The following ASCC3 variants were observed in gnomAD, a reference collection of about 807,000 sequenced individuals.
ASCC3 encodes the protein activating signal cointegrator 1 complex subunit 3.
Under a neutral mutation model 256.3 loss-of-function variants are expected in ASCC3, and 158 were observed. The ratio of observed to expected loss-of-function variants is 0.62; its 90% CI spans 0.54 to 0.70. The LOEUF (loss-of-function observed/expected upper bound fraction) is 0.70. ASCC3 is among the 30% of genes least tolerant of loss of function. ASCC3 has a pLI of 0.00. For missense variants in ASCC3, 2,259 were observed against 2,626.0 expected (o/e 0.86, Z 3.05); for synonymous variants, 948 against 883.4 (o/e 1.07, Z -1.30).
At chr6:100,646,506 A>G in intron 22 of ASCC3, 109 bp downstream of exon 22, 1 of 1,192,076 alleles carries the variant, frequency 8.4e-7, no homozygotes, top group Non-Finnish European at 1.2e-6. Flanking sequence ...TAAATCCTCA[A>G]TATATATTCT....
chr6:100,873,929 C>T (rs1046260163), intron 1 of ASCC3, among the ~76,000 whole-genome samples: 2 of 152,166 alleles, frequency 1.3e-5, no homozygotes, highest in African/African-American at 2.4e-5. Flanking sequence ...TCCCTGAGAT[C>T]TTATCAAAAT....
At chr6:100,828,092 TAAAAAAA>T (rs10684305) in intron 4 of ASCC3, among the ~76,000 whole-genome samples, 1 of 125,354 alleles carries the variant, frequency 8.0e-6, no homozygotes, top group Non-Finnish European at 1.6e-5. Context: ...CAGTATTTTC[TAAAAAAA>T]AAAAAAAAAC....
rs79518657 is a variant in ASCC3 at position 100,523,568 on chromosome 6, A to G, written c.5776-5426T>C. Reference sequence around the variant, plus strand: ...GAAAATGGGCAGTCTCTGTAAGGAAATTTTTAAAGGTGTGGGGTTCCTGAA... The same window carrying G: ...GAAAATGGGCAGTCTCTGTAAGGAAGTTTTTAAAGGTGTGGGGTTCCTGAA... On this transcript the variant is annotated intron_variant, in intron 37 of 41. Coordinates refer to ENST00000369162, the MANE Select transcript of ASCC3 (RefSeq NM_006828.4). Among the ~76,000 whole-genome samples, 243 of 152,242 alleles carry G rather than the reference A, an allele frequency of 1.6e-3. 10 individuals carry two copies. The East Asian group carries it at 0.044, about 28-fold the overall frequency.
chr6:100,875,281 T>C (rs1773944157), intron 1 of ASCC3, among the ~76,000 whole-genome samples: 1 of 152,124 alleles, frequency 6.6e-6, no homozygotes, highest in Non-Finnish European at 1.5e-5. Flanking sequence ...ACACTCAAAT[T>C]TCTGGCTTAG....
At chr6:100,764,990 T>C (rs529708132) in intron 10 of ASCC3, among the ~76,000 whole-genome samples, 2 of 150,758 alleles carry the variant, frequency 1.3e-5, no homozygotes, top group South Asian at 4.2e-4. Context: ...AAAAGGGGAG[T>C]AGGGGAAAAG....
intron 32 of ASCC3, 98 bp downstream of exon 32, chr6:100,606,642 G>C: frequency 1.5e-6 from 2 of 1,349,458 alleles, no homozygotes; most frequent in Middle Eastern, 2.7e-4. Context: ...CCAATTCTCA[G>C]AAGTTTAATT....
At chr6:100,590,145 T>C in intron 34 of ASCC3, 86 bp from the exon 35 acceptor site, 1 of 879,686 alleles carries the variant, frequency 1.1e-6, no homozygotes, top group Non-Finnish European at 1.9e-6. Flanking sequence ...TATATATAAA[T>C]ATAATCCCCT....
At chr6:100,842,120 A>C (rs753307870) in intron 4 of ASCC3, among the ~76,000 whole-genome samples, 34 of 152,342 alleles carry the variant, frequency 2.2e-4, no homozygotes, top group Non-Finnish European at 4.3e-4. Flanking sequence ...TTTTAATTCC[A>C]ATCTGGCTGA....
chr6:100,774,623 C>T (rs1782101958), intron 8 of ASCC3, among the ~76,000 whole-genome samples: 1 of 152,212 alleles, frequency 6.6e-6, no homozygotes, highest in South Asian at 2.1e-4. Context: ...GCTTGGCCTC[C>T]CAGAGTGCTG....
At chr6:100,562,794 T>C (rs1770024612) in intron 36 of ASCC3, among the ~76,000 whole-genome samples, 1 of 152,124 alleles carries the variant, frequency 6.6e-6, no homozygotes, top group Non-Finnish European at 1.5e-5. Context: ...AAGTTTCAAA[T>C]CTTTTAGAGA....
chr6:100,753,139 G>A (rs907802282), intron 10 of ASCC3, among the ~76,000 whole-genome samples: 10 of 151,730 alleles, frequency 6.6e-5, no homozygotes, highest in African/African-American at 9.7e-5. Context: ...TTGAAATTTC[G>A]CATTAATATA....
intron 4 of ASCC3, among the ~76,000 whole-genome samples, chr6:100,813,728 T>A (rs961400906): frequency 1.3e-5 from 2 of 151,860 alleles, no homozygotes; most frequent in African/African-American, 4.8e-5. Context: ...GATAAATAAA[T>A]AATTCAACAA....
chr6:100,652,689 C>T (rs1320550110), intron 18 of ASCC3, 36 bp downstream of exon 18: 6 of 1,582,476 alleles, frequency 3.8e-6, no homozygotes, highest in Admixed American at 1.7e-5. Context: ...AAAGTATTTG[C>T]ATCTAAAATC....
chr6:100,592,052 T>C (rs1274430925), intron 34 of ASCC3, among the ~76,000 whole-genome samples: 1 of 151,766 alleles, frequency 6.6e-6, no homozygotes, highest in Non-Finnish European at 1.5e-5. Flanking sequence ...TTTAAGCCTA[T>C]TGGGACTTTT....
intron 13 of ASCC3, among the ~76,000 whole-genome samples, chr6:100,714,555 T>C (rs1265826079): frequency 6.6e-6 from 1 of 152,122 alleles, no homozygotes; most frequent in East Asian, 1.9e-4. Flanking sequence ...ACCTGCCTCA[T>C]AGGTTGCAGA....
At chr6:100,660,942 T>C (rs1051795391) in intron 16 of ASCC3, among the ~76,000 whole-genome samples, 1 of 151,758 alleles carries the variant, frequency 6.6e-6, no homozygotes, top group Non-Finnish European at 1.5e-5. Flanking sequence ...AAGTGTGTTT[T>C]TCATTCTCTA....
intron 4 of ASCC3, among the ~76,000 whole-genome samples, chr6:100,823,716 T>C (rs1194645212): frequency 6.6e-5 from 10 of 152,176 alleles, no homozygotes; most frequent in African/African-American, 1.9e-4. Flanking sequence ...GACTCAGTTG[T>C]TGAGATGCCA....
intron 8 of ASCC3, among the ~76,000 whole-genome samples, chr6:100,782,187 ATTTCACAAAGAAG>A (rs1782483482): frequency 1.3e-5 from 2 of 152,286 alleles, no homozygotes; most frequent in Middle Eastern, 3.4e-3. Flanking sequence ...AGATCAGTGT[ATTTCACAAAGAAG>A]GTTATGCCTT....
chr6:100,546,068 C>G (rs1339155282), intron 36 of ASCC3, among the ~76,000 whole-genome samples: 1 of 151,844 alleles, frequency 6.6e-6, no homozygotes, highest in African/African-American at 2.4e-5. Context: ...GTGTAGGATA[C>G]AAAATTAATA....
Sources: gnomAD v4.1 joint callset for allele counts (sites outside exome capture counted in the v4.1 genomes callset) on GRCh38, gnomAD v4.1.1 for gene constraint, MANE v1.5 for transcripts, NCBI Gene and HGNC (gene_info 2026-07-23, HGNC 2026-07-21) for gene names.